ANKRD30B: variants seen among roughly 807,000 people sequenced by gnomAD.
ANKRD30B encodes ankyrin repeat domain 30B, also known as ankyrin repeat domain-containing protein 30B.
Under a neutral mutation model 202.2 loss-of-function variants are expected in ANKRD30B, and 144 were observed. The observed-to-expected ratio is 0.71, with a 90% CI of 0.62 to 0.82. The LOEUF (loss-of-function observed/expected upper bound fraction) is 0.82, where lower values mean the gene tolerates loss of function less well. Among genes scored for constraint, ANKRD30B ranks in the 40% least tolerant of loss-of-function variants. The probability of loss-of-function intolerance (pLI) is 0.00; values close to 1 mark genes in which losing one functional copy is unlikely to be tolerated. For missense variants in ANKRD30B, 1,487 were observed against 1,669.1 expected, an observed-to-expected ratio of 0.89 and a Z score of 1.90; for synonymous variants, 508 against 561.3, an observed-to-expected ratio of 0.91 and a Z score of 1.34.
At chr18:14,883,369 G>GTCTC in the ANKRD30B span, among the ~76,000 whole-genome samples, 35 of 84,612 alleles carry the variant, frequency 4.1e-4, no homozygotes, top group African/African-American at 1.9e-3. Flanking sequence ...CTGTCTGTCT[G>GTCTC]TCTCTCTCTC....
intron 32 of ANKRD30B, among the ~76,000 whole-genome samples, chr18:14,824,432 C>T (rs894383969): frequency 6.7e-6 from 1 of 148,494 alleles, no homozygotes; most frequent in Non-Finnish European, 1.5e-5. Context: ...TACCTCACTA[C>T]CCCCTCTGCC....
chr18:14,883,371 C>G, the ANKRD30B span, among the ~76,000 whole-genome samples: 1 of 64,510 alleles, frequency 1.6e-5, no homozygotes, highest in African/African-American at 7.9e-5. Flanking sequence ...GTCTGTCTGT[C>G]TCTCTCTCTC....
At chr18:14,908,888 C>T in the ANKRD30B span, among the ~76,000 whole-genome samples, 280 of 152,262 alleles carry the variant, frequency 1.8e-3, no homozygotes, top group East Asian at 0.013. Context: ...ATTTCAATGA[C>T]GTCCTTGATC....
intron 16 of ANKRD30B, among the ~76,000 whole-genome samples, chr18:14,795,628 A>G (rs1237896563): frequency 6.6e-6 from 1 of 152,190 alleles, no homozygotes. Context: ...AAATAAATAT[A>G]TTTATAAACT....
intron 9 of ANKRD30B, among the ~76,000 whole-genome samples, chr18:14,774,548 T>C (rs1359526548): frequency 1.3e-5 from 2 of 152,164 alleles, no homozygotes; most frequent in Middle Eastern, 3.2e-3. Flanking sequence ...TTTTTCTCTG[T>C]TTCTTGGAAG....
chr18:14,785,002 G>C (rs1237554474), intron 14 of ANKRD30B, among the ~76,000 whole-genome samples: 1 of 152,072 alleles, frequency 6.6e-6, no homozygotes, highest in Non-Finnish European at 1.5e-5. Context: ...AGTGAACTCT[G>C]TGTGTTTGTG....
At chr18:14,788,116 G>A (rs1005217953) in intron 15 of ANKRD30B, among the ~76,000 whole-genome samples, 18 of 152,112 alleles carry the variant, frequency 1.2e-4, no homozygotes, top group Admixed American at 1.3e-4. Context: ...CATTTTTAAC[G>A]CTAAACAGTT....
At chr18:14,755,690 G>A (rs1223409581) in intron 4 of ANKRD30B, among the ~76,000 whole-genome samples, 1 of 152,154 alleles carries the variant, frequency 6.6e-6, no homozygotes, top group Non-Finnish European at 1.5e-5. Flanking sequence ...TGCTGAGAAT[G>A]ATAGTTTCCA....
rs189461729 is a variant in ANKRD30B, at chr18:14,829,726, G to A, written c.2774+1418G>A. 7.4e-3 allele frequency among the ~76,000 whole-genome samples: 1,123 copies of A among 152,202 alleles called. 7 individuals are homozygous for A. Among genetic ancestry groups the A allele is most frequent in the Non-Finnish European group, 0.011 (727 of 68,004 alleles). ...TTTGCTTGTTTAATTGGAGGAATGG[G>A]CAAACTTCAAGATTTCTATTGAAAG... On this transcript the variant is annotated intron_variant, in intron 33 of 43. Transcript: ENST00000690538.
chr18:14,796,273 T>C, intron 17 of ANKRD30B, 24 bp downstream of exon 17: 1 of 1,609,670 alleles, frequency 6.2e-7, no homozygotes, highest in Non-Finnish European at 8.5e-7. Context: ...TATTGCTATC[T>C]TGAATACTAA....
chr18:14,902,907 A>G, the ANKRD30B span, among the ~76,000 whole-genome samples: 5 of 152,220 alleles, frequency 3.3e-5, no homozygotes, highest in Admixed American at 1.3e-4. Context: ...AGCACTTGTT[A>G]CAGGACTTGG....
In ANKRD30B at chr18:14,837,169, GTT is replaced by G. The variant is rs56391489; in HGVS notation, c.2848-33_2848-32del. 136 of 1,258,934 alleles carry G rather than the reference GTT, an allele frequency of 1.1e-4. 1 individual carries two copies. In the South Asian group the frequency reaches 1.3e-3, roughly 12 times the overall value. 78.0% of individuals were successfully genotyped at this position (1,258,934 alleles called of 1,614,324 possible). ...TGAATAAATACAATTTTTTTCTGAA[GTT>G]TTTTTTTTGTGTTTGCTTTCTGTGT... On this transcript the variant is annotated intron_variant, in intron 34 of 43. Transcript: ENST00000690538.
intron 26 of ANKRD30B, among the ~76,000 whole-genome samples, chr18:14,809,646 CT>C (rs1253951564): frequency 4.6e-5 from 7 of 150,972 alleles, no homozygotes; most frequent in African/African-American, 1.7e-4. Flanking sequence ...ACCTCCCTGA[CT>C]GCACGTCCAT....
chr18:14,846,215 A>G (rs891455226), intron 39 of ANKRD30B, among the ~76,000 whole-genome samples: 2 of 152,008 alleles, frequency 1.3e-5, no homozygotes, highest in Admixed American at 6.6e-5. Context: ...TTTTCATTTG[A>G]AGTTAGTTCA....
the ANKRD30B span, among the ~76,000 whole-genome samples, chr18:14,867,621 G>T: frequency 1.1e-3 from 161 of 152,296 alleles, no homozygotes; most frequent in African/African-American, 3.7e-3. Context: ...CACCACGGGG[G>T]CTCAGGGTCC....
chr18:14,796,396 C>T lies in ANKRD30B; in HGVS notation c.1908C>T (p.Asp636=). The change falls in exon 18 of 44, where the codon GAC becomes GAT. Residue 636 remains aspartate, a synonymous_variant. Coordinates refer to ENST00000690538, the MANE Select transcript of ANKRD30B (RefSeq NM_001367607.2). ...CAAATAAAGCCTTAGAATTAAAGGA[C>T]AGAGAAACATTCAAAGCAGGTAAAT... ...SLPNKALELK[D]RETFKAESPD... The T allele has an allele frequency of 6.4e-7, 1 of 1,556,424 alleles. No individual in the cohort carries two copies. Among genetic ancestry groups the T allele is most frequent in the East Asian group, 2.4e-5 (1 of 41,384 alleles).
At chr18:14,887,251 C>T in the ANKRD30B span, among the ~76,000 whole-genome samples, 4 of 151,926 alleles carry the variant, frequency 2.6e-5, no homozygotes, top group Non-Finnish European at 4.4e-5. Flanking sequence ...ATTCAGGGCC[C>T]CTTATTCCTA....
the ANKRD30B span, among the ~76,000 whole-genome samples, chr18:14,928,422 G>T: frequency 1.3e-5 from 2 of 152,298 alleles, no homozygotes; most frequent in African/African-American, 2.4e-5. Context: ...TGCCTTTCCC[G>T]ATGTGGCTTG....
chr18:14,867,617 G>C, the ANKRD30B span, among the ~76,000 whole-genome samples: 3 of 152,174 alleles, frequency 2.0e-5, no homozygotes, highest in African/African-American at 4.8e-5. Flanking sequence ...TGGGCACCAC[G>C]GGGGCTCAGG....
Sources: gnomAD v4.1 joint callset for allele counts (sites outside exome capture counted in the v4.1 genomes callset) on GRCh38, gnomAD v4.1.1 for gene constraint, MANE v1.5 for transcripts, NCBI Gene and HGNC (gene_info 2026-07-23, HGNC 2026-07-21) for gene names.